Variants in FRMD4A observed in about 807,000 individuals in gnomAD.
FRMD4A encodes FERM domain-containing protein 4A.
A neutral mutation model predicts 129.1 loss-of-function variants in FRMD4A; 29 were observed. The observed-to-expected ratio is 0.22, with a 90% CI of 0.17 to 0.31. The LOEUF (loss-of-function observed/expected upper bound fraction) is 0.31, where lower values mean the gene tolerates loss of function less well. Among genes scored for constraint, FRMD4A ranks in the 10% least tolerant of loss-of-function variants. The pLI is 1.00. For synonymous variants in FRMD4A, 634 were observed against 571.6 expected, an observed-to-expected ratio of 1.11 and a Z score of -1.56; for missense variants, 1,272 against 1,375.8, an observed-to-expected ratio of 0.92 and a Z score of 1.19.
At chr10:13,860,312 C>A (rs181309669) in intron 2 of FRMD4A, among the ~76,000 whole-genome samples, 1 of 152,292 alleles carries the variant, frequency 6.6e-6, no homozygotes, top group Admixed American at 6.5e-5. Context: ...TTTTTATTAT[C>A]TTTGTTTGTT....
At chr10:13,819,195 G>T (rs531340896) in intron 3 of FRMD4A, among the ~76,000 whole-genome samples, 2 of 152,068 alleles carry the variant, frequency 1.3e-5, no homozygotes, top group African/African-American at 4.8e-5. Flanking sequence ...ATGCTAGCCT[G>T]GTATTTAAGA....
At chr10:14,062,053 A>G (rs553898823) in intron 2 of FRMD4A, among the ~76,000 whole-genome samples, 9 of 152,378 alleles carry the variant, frequency 5.9e-5, no homozygotes, top group Middle Eastern at 3.4e-3. Context: ...TGTAATTTCT[A>G]GAGCTCTGAC....
intron 6 of FRMD4A, among the ~76,000 whole-genome samples, chr10:13,772,938 T>G (rs2092499048): frequency 6.6e-6 from 1 of 152,176 alleles, no homozygotes; most frequent in African/African-American, 2.4e-5. Context: ...CATTTTAATG[T>G]AAGTAAAAGA....
chr10:13,775,594 C>T (rs558780828), intron 6 of FRMD4A, among the ~76,000 whole-genome samples: 18 of 152,250 alleles, frequency 1.2e-4, no homozygotes, highest in African/African-American at 4.1e-4. Context: ...AAACAAAAAA[C>T]AGGAAGACTC....
chr10:14,314,949 GT>G (rs11447715), intron 2 of FRMD4A, among the ~76,000 whole-genome samples: 10 of 149,920 alleles, frequency 6.7e-5, no homozygotes, highest in Admixed American at 3.3e-4. Context: ...CTTATATATA[GT>G]TTTTTTTTTA....
At chr10:14,194,557 G>A (rs951230090) in intron 2 of FRMD4A, among the ~76,000 whole-genome samples, 1 of 152,164 alleles carries the variant, frequency 6.6e-6, no homozygotes, top group African/African-American at 2.4e-5. Flanking sequence ...CTTGCAGTGA[G>A]CCGAGATCGC....
intron 2 of FRMD4A, among the ~76,000 whole-genome samples, chr10:13,996,025 C>T (rs890693473): frequency 7.9e-5 from 12 of 152,134 alleles, no homozygotes; most frequent in African/African-American, 2.7e-4. Flanking sequence ...GTTCTGGAAG[C>T]TGGAAAGTCT....
chr10:14,143,729 C>T (rs1839946787), intron 2 of FRMD4A, among the ~76,000 whole-genome samples: 2 of 152,106 alleles, frequency 1.3e-5, no homozygotes, highest in Admixed American at 1.3e-4. Flanking sequence ...ATTCTCCTGC[C>T]TCAGCCTCCC....
intron 2 of FRMD4A, among the ~76,000 whole-genome samples, chr10:14,245,508 TG>T (rs1357111077): frequency 6.6e-6 from 1 of 152,150 alleles, no homozygotes; most frequent in African/African-American, 2.4e-5. Flanking sequence ...TGGGCTGAAT[TG>T]TATCTCCCTT....
intron 12 of FRMD4A, among the ~76,000 whole-genome samples, chr10:13,718,340 A>G (rs1168593349): frequency 6.6e-5 from 10 of 152,196 alleles, no homozygotes; most frequent in Non-Finnish European, 1.5e-4. Flanking sequence ...CTGCTCTGCA[A>G]TTGTGGCGGC....
In FRMD4A at chr10:13,684,321, G is replaced by A. The variant is rs561808553; in HGVS notation, c.1118-9277C>T. The A allele has an allele frequency of 3.9e-5, 38 of 984,902 alleles. No individual in the cohort carries two copies. In the South Asian group the frequency reaches 8.0e-4, roughly 21 times the overall value. The allele number at this position is 984,902 out of a possible 1,614,324, so 61.0% of individuals were successfully genotyped here. A position where few individuals can be genotyped will look rare whatever the true frequency, so the allele number is the denominator to read the frequency against. On this transcript the variant is annotated intron_variant, in intron 15 of 24. Transcript: ENST00000357447. The stretch of plus-strand genomic sequence containing the variant: ...CAGAGAGAGAGATGGAGTTACTCAC[G>A]CCAAGTCAGAAAGTCATTTTCGGGG...
chr10:13,938,106 A>G (rs1298851404), intron 2 of FRMD4A, among the ~76,000 whole-genome samples: 1 of 152,232 alleles, frequency 6.6e-6, no homozygotes, highest in Non-Finnish European at 1.5e-5. Flanking sequence ...ACTACAGATA[A>G]TCTTCTAATT....
At chr10:13,933,474 C>T (rs1258519203) in intron 2 of FRMD4A, among the ~76,000 whole-genome samples, 2 of 152,108 alleles carry the variant, frequency 1.3e-5, no homozygotes, top group African/African-American at 2.4e-5. Context: ...CTTGTTTATG[C>T]GTTTTGTCCC....
In FRMD4A at chr10:13,851,874, T is replaced by C. The variant is rs1350042076; in HGVS notation, c.111+6973A>G. On this transcript the variant is annotated intron_variant, in intron 3 of 24. Coordinates refer to ENST00000357447, the MANE Select transcript of FRMD4A (RefSeq NM_018027.5). ...GAGATTGCACCACTTCACTCCAGCC[T>C]GGTGACAAAGCAAGACTCTGTCTCA... 2.0e-5 allele frequency among the ~76,000 whole-genome samples: 3 copies of C among 148,272 alleles called. No homozygotes were observed. The South Asian group carries it at 6.5e-4, about 32-fold the overall frequency.
intron 2 of FRMD4A, among the ~76,000 whole-genome samples, chr10:14,144,704 C>T (rs1183813505): frequency 1.3e-5 from 2 of 152,106 alleles, no homozygotes; most frequent in Admixed American, 6.5e-5. Context: ...ATGGGATAGT[C>T]GTCCAGGAGC....
At position 14,028,982 on chromosome 10, in the gene FRMD4A, G is replaced by A. The variant is rs913324807; in HGVS notation, c.46-170070C>T. Among the ~76,000 whole-genome samples, 50 of 152,300 alleles carry A rather than the reference G, an allele frequency of 3.3e-4. 1 individual carries two copies. Among genetic ancestry groups the A allele is most frequent in the Admixed American group, 2.5e-3 (39 of 15,304 alleles). On this transcript the variant is annotated intron_variant, in intron 2 of 24. Coordinates refer to ENST00000357447, the MANE Select transcript of FRMD4A (RefSeq NM_018027.5). ...TTTAACCGTTGATCAAAGCTTGGTG[G>A]CCACCTAAGAATGATCTGACATGAA...
chr10:14,105,008 G>A (rs1013854025), intron 2 of FRMD4A, among the ~76,000 whole-genome samples: 2 of 152,178 alleles, frequency 1.3e-5, no homozygotes, highest in Non-Finnish European at 2.9e-5. Flanking sequence ...TTCTGGTCAC[G>A]GGGTCCCCAC....
chr10:13,661,872 C>A (rs1328028320), intron 19 of FRMD4A, among the ~76,000 whole-genome samples: 3 of 152,142 alleles, frequency 2.0e-5, no homozygotes, highest in Admixed American at 6.6e-5. Context: ...TGTTTCACAG[C>A]CTAATTCTCA....
intron 4 of FRMD4A, among the ~76,000 whole-genome samples, chr10:13,803,531 TTTTGCTGTGATGCCCAGG>T (rs1463314093): frequency 6.6e-6 from 1 of 151,576 alleles, no homozygotes; most frequent in Non-Finnish European, 1.5e-5. Context: ...AAAGTAGAGG[TTTTGCTGTGATGCCCAGG>T]TTGGCCTCAA....
Sources: gnomAD v4.1 joint callset for allele counts (sites outside exome capture counted in the v4.1 genomes callset) on GRCh38, gnomAD v4.1.1 for gene constraint, MANE v1.5 for transcripts, NCBI Gene and HGNC (gene_info 2026-07-23, HGNC 2026-07-21) for gene names.